Variants in UBXN4 observed in about 807,000 individuals in gnomAD.
The protein encoded by UBXN4 is UBX domain protein 4, also known as UBX domain-containing protein 4.
UBXN4 carries 35 observed loss-of-function variants against 66.2 expected under a neutral mutation model. The ratio of observed to expected loss-of-function variants is 0.53; its 90% confidence interval spans 0.40 to 0.70. The LOEUF (loss-of-function observed/expected upper bound fraction) is 0.70. UBXN4 is among the 30% of genes least tolerant of loss of function. The pLI, the probability that UBXN4 is intolerant of heterozygous loss-of-function variation, is 0.00. For synonymous variants in UBXN4, 203 were observed against 204.5 expected, an observed-to-expected ratio of 0.99 and a Z score of 0.06; for missense variants, 533 against 599.8, an observed-to-expected ratio of 0.89 and a Z score of 1.16.
chr2:135,772,762 G>C (rs987857672), intron 9 of UBXN4, among the ~76,000 whole-genome samples: 1 of 150,532 alleles, frequency 6.6e-6, no homozygotes, highest in African/African-American at 2.4e-5. Context: ...CCAATAGCCG[G>C]GCGCGGTGGC....
intron 9 of UBXN4, among the ~76,000 whole-genome samples, chr2:135,774,844 C>CAA (rs757689203): frequency 3.2e-4 from 27 of 83,590 alleles, no homozygotes; most frequent in Middle Eastern, 0.015. Flanking sequence ...GACTCTGTCT[C>CAA]AAAAAAAAAA....
At chr2:135,773,786 T>A (rs921765351) in intron 9 of UBXN4, among the ~76,000 whole-genome samples, 1 of 152,208 alleles carries the variant, frequency 6.6e-6, no homozygotes, top group East Asian at 1.9e-4. Context: ...GAAAAATTTT[T>A]AAAAATAATT....
At chr2:135,750,492 C>T (rs1011408689) in intron 2 of UBXN4, among the ~76,000 whole-genome samples, 9 of 151,858 alleles carry the variant, frequency 5.9e-5, no homozygotes, top group African/African-American at 1.9e-4. Context: ...GGCAACAGAG[C>T]AAGACTCCGT....
chr2:135,759,921 A>G lies in UBXN4; in HGVS notation c.509-1897A>G, dbSNP rs185075674. Among the ~76,000 whole-genome samples, 348 of 151,982 alleles carry G rather than the reference A, an allele frequency of 2.3e-3. 1 individual carries two copies. The highest frequency in any genetic ancestry group is 7.9e-3 in the African/African-American group (329 of 41,460). The stretch of plus-strand genomic sequence containing the variant: ...GTAGCCGGGATTATAGGCACCCGCA[A>G]CCATGCCCAGCTGATTTTGTATTTT... On this transcript the variant is annotated intron_variant, in intron 5 of 12. Coordinates refer to ENST00000272638, the MANE Select transcript of UBXN4 (RefSeq NM_014607.4).
At chr2:135,770,382 C>T (rs2077375958) in intron 7 of UBXN4, among the ~76,000 whole-genome samples, 189 bp from the exon 8 acceptor site, 1 of 152,170 alleles carries the variant, frequency 6.6e-6, no homozygotes, top group Non-Finnish European at 1.5e-5. Context: ...ACATTATTAT[C>T]TTAACAGACC....
chr2:135,779,584 C>A (rs1359783289), intron 11 of UBXN4, among the ~76,000 whole-genome samples: 1 of 152,102 alleles, frequency 6.6e-6, no homozygotes, highest in Non-Finnish European at 1.5e-5. Flanking sequence ...TTTCCTTGCT[C>A]TATACTAGAC....
chr2:135,751,200 T>A (rs1575314545), intron 2 of UBXN4, among the ~76,000 whole-genome samples: 3 of 148,828 alleles, frequency 2.0e-5, no homozygotes, highest in Admixed American at 1.4e-4. Context: ...TTTTTTATTT[T>A]TTTTGAGACG....
chr2:135,751,783 TG>T (rs1009421988), intron 2 of UBXN4, among the ~76,000 whole-genome samples: 7 of 151,912 alleles, frequency 4.6e-5, no homozygotes, highest in African/African-American at 1.7e-4. Context: ...TTTTTTACTA[TG>T]TTTTTAAATG....
intron 1 of UBXN4, among the ~76,000 whole-genome samples, 173 bp downstream of exon 1, chr2:135,742,184 C>G (rs561653028): frequency 1.4e-4 from 21 of 152,296 alleles, no homozygotes; most frequent in African/African-American, 4.3e-4. Context: ...GCCGCCAGAT[C>G]CCCCAGAGGG....
At chr2:135,762,776 T>C (rs1288695539) in intron 6 of UBXN4, among the ~76,000 whole-genome samples, 1 of 152,088 alleles carries the variant, frequency 6.6e-6, no homozygotes, top group African/African-American at 2.4e-5. Context: ...CCTAGAAGAA[T>C]AGCAGCAGGA....
Position 135,755,708 on chromosome 2 carries a change from C to T in UBXN4, c.508+17C>T, listed in dbSNP as rs1290693208. On this transcript the variant is annotated intron_variant, in intron 5 of 12. Transcript: ENST00000272638. ...CTGCAACAGGTAACTTTTAATGTAC[C>T]TTTTTGAGTGCAATAGAAGCTCCTT... is the stretch of plus-strand genomic sequence containing the variant. 4 of 1,448,882 alleles carry T rather than the reference C, an allele frequency of 2.8e-6. No individual in the cohort carries two copies. The highest frequency in any genetic ancestry group is 3.7e-6 in the Non-Finnish European group (4 of 1,093,634). 89.8% of individuals were successfully genotyped at this position (1,448,882 alleles called of 1,614,324 possible).
chr2:135,765,576 G>T (rs1232972015), intron 6 of UBXN4, among the ~76,000 whole-genome samples: 1 of 151,818 alleles, frequency 6.6e-6, no homozygotes, highest in Non-Finnish European at 1.5e-5. Flanking sequence ...ATGAATTCTA[G>T]TCTTTTTATT....
intron 9 of UBXN4, among the ~76,000 whole-genome samples, chr2:135,774,254 G>A (rs1384472617): frequency 6.6e-5 from 10 of 151,996 alleles, no homozygotes; most frequent in Admixed American, 6.6e-4. Context: ...CTATTCAGTG[G>A]GAAAGAAGAA....
rs80198954 is a variant in UBXN4, at chr2:135,754,272, C to A, written c.328C>A (p.Arg110=). ...ACTTGTTACAAGAATTCACAAGGTCCGACAGGTAAGAAGGAACAGAACTGT... is the reference window on the plus strand; with the variant it reads ...ACTTGTTACAAGAATTCACAAGGTCAGACAGGTAAGAAGGAACAGAACTGT... ...DELVTRIHKV[R]QMHLLKSETS... The change falls in exon 4 of 13, where the codon CGA becomes AGA. Residue 110 remains arginine, a synonymous_variant. Transcript: ENST00000272638. 11,507 of 1,610,650 alleles carry A rather than the reference C, an allele frequency of 7.1e-3. 737 individuals are homozygous for A. The East Asian group carries it at 0.17, about 23-fold the overall frequency.
chr2:135,773,037 C>CCAAA (rs773967235), intron 9 of UBXN4, among the ~76,000 whole-genome samples: 1 of 80,030 alleles, frequency 1.2e-5, no homozygotes, highest in Non-Finnish European at 2.5e-5. Context: ...ACTCCGTCCC[C>CCAAA]AAAAAAAAAA....
intron 1 of UBXN4, among the ~76,000 whole-genome samples, chr2:135,744,961 G>A (rs561086447): frequency 7.2e-5 from 11 of 152,310 alleles, no homozygotes; most frequent in Admixed American, 4.6e-4. Flanking sequence ...TGCCAGTAGG[G>A]TTGAGACATC....
chr2:135,749,198 T>C (rs925345160), intron 2 of UBXN4, among the ~76,000 whole-genome samples: 1 of 152,160 alleles, frequency 6.6e-6, no homozygotes, highest in Non-Finnish European at 1.5e-5. Context: ...GTACCAGGAA[T>C]GCAAAAAGAA....
At chr2:135,751,338 C>G (rs1333475451) in intron 2 of UBXN4, among the ~76,000 whole-genome samples, 1 of 151,618 alleles carries the variant, frequency 6.6e-6, no homozygotes, top group Non-Finnish European at 1.5e-5. Flanking sequence ...AGGCGCCCAC[C>G]ACCATGCCTG....
At chr2:135,743,659 TA>T (rs1166597398) in intron 1 of UBXN4, among the ~76,000 whole-genome samples, 1 of 152,200 alleles carries the variant, frequency 6.6e-6, no homozygotes, top group African/African-American at 2.4e-5. Flanking sequence ...TTTAAATTGG[TA>T]TAGAAATCAG....
Sources: gnomAD v4.1 joint callset for allele counts (sites outside exome capture counted in the v4.1 genomes callset) on GRCh38, gnomAD v4.1.1 for gene constraint, MANE v1.5 for transcripts, NCBI Gene and HGNC (gene_info 2026-07-23, HGNC 2026-07-21) for gene names.